The following RBM20 variants were observed in gnomAD, a reference collection of about 807,000 sequenced individuals.
RBM20 encodes the protein RNA-binding protein 20.
A neutral mutation model predicts 110.1 loss-of-function variants in RBM20; 51 were observed. The ratio of observed to expected loss-of-function variants is 0.46; its 90% CI spans 0.37 to 0.59. The LOEUF (loss-of-function observed/expected upper bound fraction) is 0.59, where lower values mean the gene tolerates loss of function less well. RBM20 is among the 20% of genes least tolerant of loss of function. The pLI is 0.00. For synonymous variants in RBM20, 589 were observed against 618.2 expected, an observed-to-expected ratio of 0.95 and a Z score of 0.70; for missense variants, 1,512 against 1,574.9, an observed-to-expected ratio of 0.96 and a Z score of 0.68.
chr10:110,820,152 T>C lies in RBM20; in HGVS notation c.2631T>C (p.Asp877=). Residue 877 remains aspartate (D), a synonymous_variant, in exon 10 of 14, where the codon GAT becomes GAC. Transcript: ENST00000369519. ...AGGAGAAAGAAGCAGAGTTCTCTGA[T>C]CCGGAAAACACAAGGACAAAGAAGG... ...GRQEKEAEFS[D]PENTRTKKEQ... 6.4e-7 allele frequency: 1 copy of C among 1,551,336 alleles called. No homozygotes were observed. Among genetic ancestry groups the C allele is most frequent in the East Asian group, 2.4e-5 (1 of 40,920 alleles).
intron 1 of RBM20, among the ~76,000 whole-genome samples, chr10:110,681,643 T>C (rs1054470964): frequency 9.2e-5 from 14 of 152,196 alleles, no homozygotes; most frequent in Non-Finnish European, 1.9e-4. Context: ...ACAATTACTG[T>C]TTAACTTTTT....
chr10:110,828,596 C>A (rs1296603230), intron 12 of RBM20, among the ~76,000 whole-genome samples: 1 of 152,194 alleles, frequency 6.6e-6, no homozygotes, highest in Admixed American at 6.5e-5. Context: ...ATATTTAACA[C>A]GTGTCTCCAA....
intron 1 of RBM20, among the ~76,000 whole-genome samples, chr10:110,776,926 G>A (rs999893570): frequency 5.9e-5 from 9 of 152,186 alleles, no homozygotes; most frequent in Non-Finnish European, 1.5e-5. Flanking sequence ...CCTGCTTGTA[G>A]GTTTAGTTTT....
At chr10:110,724,675 A>G (rs1206511511) in intron 1 of RBM20, among the ~76,000 whole-genome samples, 2 of 152,178 alleles carry the variant, frequency 1.3e-5, no homozygotes, top group Admixed American at 6.5e-5. Flanking sequence ...CACAAGACTC[A>G]GGGAGGGGAC....
chr10:110,794,419 C>G (rs1844522428), intron 5 of RBM20, among the ~76,000 whole-genome samples: 1 of 152,210 alleles, frequency 6.6e-6, no homozygotes. Context: ...AGACACCACA[C>G]AAAAGCAAAC....
chr10:110,678,078 CA>C, intron 1 of RBM20, among the ~76,000 whole-genome samples: 1 of 151,448 alleles, frequency 6.6e-6, no homozygotes, highest in East Asian at 1.9e-4. Flanking sequence ...TAACATAAAC[CA>C]AAAAAATAGG....
intron 1 of RBM20, among the ~76,000 whole-genome samples, chr10:110,736,889 A>G (rs1386053578): frequency 6.6e-6 from 1 of 151,930 alleles, no homozygotes; most frequent in Non-Finnish European, 1.5e-5. Context: ...TATAAAAAAG[A>G]CCCGGCCTGG....
At chr10:110,656,664 C>G (rs1862030349) in intron 1 of RBM20, among the ~76,000 whole-genome samples, 2 of 152,202 alleles carry the variant, frequency 1.3e-5, no homozygotes, top group Admixed American at 1.3e-4. Context: ...AACCAATCTG[C>G]TTTCCATCCC....
chr10:110,689,384 T>C (rs1418988988), intron 1 of RBM20, among the ~76,000 whole-genome samples: 1 of 152,160 alleles, frequency 6.6e-6, no homozygotes, highest in East Asian at 1.9e-4. Context: ...ACAAACAGTA[T>C]AATGTCAGCT....
chr10:110,726,725 G>A (rs987111113), intron 1 of RBM20, among the ~76,000 whole-genome samples: 5 of 152,234 alleles, frequency 3.3e-5, no homozygotes, highest in Non-Finnish European at 7.3e-5. Flanking sequence ...GTGTTAGAAA[G>A]TCCTACAGCA....
intron 13 of RBM20, chr10:110,831,409 T>C: frequency 2.2e-6 from 1 of 463,938 alleles, no homozygotes; most frequent in Non-Finnish European, 3.9e-6. Context: ...TCCCATAGAC[T>C]TGATTCCATC....
At chr10:110,662,197 G>GA (rs1336736222) in intron 1 of RBM20, among the ~76,000 whole-genome samples, 2 of 151,956 alleles carry the variant, frequency 1.3e-5, no homozygotes, top group African/African-American at 4.8e-5. Context: ...AAGGGATGAG[G>GA]AAAGAAAAAA....
intron 1 of RBM20, among the ~76,000 whole-genome samples, chr10:110,678,285 T>C (rs903829083): frequency 1.3e-5 from 2 of 152,168 alleles, no homozygotes; most frequent in African/African-American, 4.8e-5. Flanking sequence ...AATGTTTAGG[T>C]GTCAAGGCAT....
rs1251075315 is a variant in RBM20 at position 110,812,640 on chromosome 10, CTG to C, written c.2247_2248del (p.Ser750GlnfsTer6). On this transcript the variant is annotated frameshift_variant, in exon 9 of 14. Coordinates refer to ENST00000369519, the MANE Select transcript of RBM20 (RefSeq NM_001134363.3). LOFTEE classifies it high-confidence loss of function. ...TCTGGGTCTCCCAACCTGCCCCACT[CTG>C]TGTCCAGCTACAAAAGCCGTGAAGA... 6.4e-7 allele frequency: 1 copy of C among 1,551,708 alleles called. No homozygotes were observed. Among genetic ancestry groups the C allele is most frequent in the Non-Finnish European group, 8.7e-7 (1 of 1,147,006 alleles).
rs1412842185 is a variant in RBM20, at chr10:110,749,912, T to C, written c.192-30889T>C. ...GTCAGAAGCCAACCCCGGGAGAATA[T>C]CTTTATGACCTGAGAGGTTAAAAAG... On this transcript the variant is annotated intron_variant, in intron 1 of 13. Transcript: ENST00000369519. Among the ~76,000 whole-genome samples the C allele has an allele frequency of 2.0e-5, 3 of 152,138 alleles. No individual in the cohort carries two copies. In the East Asian group the frequency reaches 5.8e-4, roughly 29 times the overall value.
chr10:110,809,218 T>TAA lies in RBM20; in HGVS notation c.1801-1152_1801-1151dup, dbSNP rs60697105. On this transcript the variant is annotated intron_variant, in intron 7 of 13. Coordinates refer to ENST00000369519, the MANE Select transcript of RBM20 (RefSeq NM_001134363.3). ...AGTGACAGAGCAAGACCCCGTTTCT[T>TAA]AAAAAAAAAAAAAATTGCATGATTC... is the stretch of plus-strand genomic sequence containing the variant. 1.2e-4 allele frequency among the ~76,000 whole-genome samples: 7 copies of TAA among 60,712 alleles called. 1 individual carries two copies. The highest frequency in any genetic ancestry group is 1.5e-4 in the African/African-American group (3 of 19,760). 39.8% of individuals were successfully genotyped at this position (60,712 alleles called of 152,430 possible). A position where few individuals can be genotyped will look rare whatever the true frequency, so the allele number is the denominator to read the frequency against.
At chr10:110,652,417 T>C (rs1861963317) in intron 1 of RBM20, among the ~76,000 whole-genome samples, 2 of 152,266 alleles carry the variant, frequency 1.3e-5, no homozygotes, top group Admixed American at 6.5e-5. Context: ...TCAGTGAGCA[T>C]GTATTACTTT....
intron 1 of RBM20, among the ~76,000 whole-genome samples, chr10:110,687,052 A>AG (rs1338506596): frequency 2.0e-5 from 3 of 152,094 alleles, no homozygotes; most frequent in East Asian, 3.9e-4. Flanking sequence ...GAAAAAAAAA[A>AG]AAAAAGAAAA....
chr10:110,813,055 C>T (rs1844796233), intron 9 of RBM20, 108 bp downstream of exon 9: 1 of 795,758 alleles, frequency 1.3e-6, no homozygotes, highest in South Asian at 2.1e-5. Context: ...CATTTACTGG[C>T]TATTTACTAT....
Sources: allele counts gnomAD v4.1 joint callset (sites outside exome capture counted in the v4.1 genomes callset), GRCh38; gene constraint gnomAD v4.1.1; transcripts MANE v1.5; gene names NCBI Gene and HGNC (gene_info 2026-07-23, HGNC 2026-07-21).